The following OSBPL9 variants were observed in gnomAD, a reference collection of about 807,000 sequenced individuals.
OSBPL9 encodes oxysterol-binding protein-related protein 9.
OSBPL9 carries 40 observed loss-of-function variants against 106.6 expected under a neutral mutation model. That is an observed-to-expected ratio of 0.38 (90% CI 0.29 to 0.49). The LOEUF (loss-of-function observed/expected upper bound fraction) is 0.49. Among genes scored for constraint, OSBPL9 ranks in the 20% least tolerant of loss-of-function variants. OSBPL9 has a pLI of 0.97. For missense variants in OSBPL9, 609 were observed against 887.2 expected (o/e 0.69, Z 3.98); for synonymous variants, 269 against 295.4 (o/e 0.91, Z 0.92).
chr1:51,682,170 T>C (rs1230824604), intron 3 of OSBPL9, among the ~76,000 whole-genome samples: 2 of 151,904 alleles, frequency 1.3e-5, no homozygotes, highest in Non-Finnish European at 2.9e-5. Context: ...CGCCACTGCA[T>C]TCCAGCCTGG....
chr1:51,667,115 A>G (rs1648709963), intron 2 of OSBPL9, among the ~76,000 whole-genome samples: 1 of 152,226 alleles, frequency 6.6e-6, no homozygotes, highest in Non-Finnish European at 1.5e-5. Context: ...AGAGTTGACT[A>G]GGTGACTTGT....
At chr1:51,523,790 C>G in the OSBPL9 span, among the ~76,000 whole-genome samples, 8 of 152,178 alleles carry the variant, frequency 5.3e-5, no homozygotes, top group East Asian at 1.5e-3. Flanking sequence ...CCTCCCCAAC[C>G]CATCCTTAAA....
chr1:51,703,052 G>A (rs1049565973), intron 3 of OSBPL9, among the ~76,000 whole-genome samples: 24 of 152,190 alleles, frequency 1.6e-4, no homozygotes, highest in African/African-American at 5.6e-4. Context: ...TAGCCATGTA[G>A]TATAGTTTGA....
chr1:51,669,227 G>T (rs903514907), intron 2 of OSBPL9, among the ~76,000 whole-genome samples: 1 of 152,198 alleles, frequency 6.6e-6, no homozygotes, highest in Non-Finnish European at 1.5e-5. Context: ...GGCATAGAAT[G>T]TACCTGTACA....
chr1:51,574,606 G>A (rs1308816048), upstream of OSBPL9, among the ~76,000 whole-genome samples: 1 of 151,904 alleles, frequency 6.6e-6, no homozygotes, highest in Non-Finnish European at 1.5e-5. Flanking sequence ...GCGACAGAGC[G>A]AGACTCTGTA....
At chr1:51,602,233 C>T (rs1645328149) in intron 2 of OSBPL9, among the ~76,000 whole-genome samples, 1 of 151,194 alleles carries the variant, frequency 6.6e-6, no homozygotes, top group African/African-American at 2.4e-5. Context: ...TGGTCTCGAT[C>T]TCCTGACCTC....
intron 2 of OSBPL9, among the ~76,000 whole-genome samples, chr1:51,605,346 T>G (rs578005525): frequency 6.6e-6 from 1 of 152,192 alleles, no homozygotes; most frequent in South Asian, 2.1e-4. Context: ...ATCCCAGCAC[T>G]TAGGGAGGCA....
chr1:51,596,953 A>G (rs1472338803), intron 1 of OSBPL9, among the ~76,000 whole-genome samples: 1 of 152,126 alleles, frequency 6.6e-6, no homozygotes, highest in Non-Finnish European at 1.5e-5. Context: ...AAACAAGGCA[A>G]TGACTTAGAG....
At chr1:51,548,375 A>C in the OSBPL9 span, among the ~76,000 whole-genome samples, 1 of 151,898 alleles carries the variant, frequency 6.6e-6, no homozygotes, top group Non-Finnish European at 1.5e-5. Context: ...CTGAGATTAC[A>C]TGTGTGAGCC....
At chr1:51,669,684 G>T in intron 3 of OSBPL9, 172 bp downstream of exon 3, 1 of 689,618 alleles carries the variant, frequency 1.5e-6, no homozygotes, top group East Asian at 2.8e-5. Flanking sequence ...ATTTGTATCT[G>T]CAATGGATGT....
At chr1:51,619,416 T>C (rs1644286823) in intron 1 of OSBPL9, among the ~76,000 whole-genome samples, 2 of 152,226 alleles carry the variant, frequency 1.3e-5, no homozygotes, top group Admixed American at 6.5e-5. Context: ...TGGACAAATA[T>C]CTCTTTTCTT....
the OSBPL9 span, among the ~76,000 whole-genome samples, chr1:51,546,142 A>G: frequency 1.3e-5 from 2 of 151,954 alleles, no homozygotes; most frequent in Admixed American, 1.3e-4. Context: ...TCAGCCCCCA[A>G]GTAGCTGGGA....
At chr1:51,536,932 T>C in the OSBPL9 span, among the ~76,000 whole-genome samples, 2 of 152,194 alleles carry the variant, frequency 1.3e-5, no homozygotes, top group Non-Finnish European at 2.9e-5. Context: ...GTAGAGTATT[T>C]TTTCCTGTGT....
Position 51,788,094 on chromosome 1 carries a change from C to CTGCGCTCTAGTACTGCTGTT in OSBPL9, c.*306_*325dup. ...CATTTATAAATCCAAGTCTGAAACT[C>CTGCGCTCTAGTACTGCTGTT]TGCGCTCTAGTACTGCTGTTAAGAT... On this transcript the variant is annotated 3_prime_UTR_variant, in exon 24 of 24. Transcript: ENST00000428468. The CTGCGCTCTAGTACTGCTGTT allele has an allele frequency of 2.6e-6, 1 of 380,566 alleles. No homozygotes were observed. Among genetic ancestry groups the CTGCGCTCTAGTACTGCTGTT allele is most frequent in the Non-Finnish European group, 4.9e-6 (1 of 205,628 alleles). The allele number at this position is 380,566 out of a possible 1,614,324, so 23.6% of individuals were successfully genotyped here.
chr1:51,562,767 G>C, the OSBPL9 span, among the ~76,000 whole-genome samples: 1 of 152,142 alleles, frequency 6.6e-6, no homozygotes, highest in Non-Finnish European at 1.5e-5. Flanking sequence ...TGGCAGTTGA[G>C]GCCGTTCTCT....
At chr1:51,670,146 T>C (rs1649528769) in intron 3 of OSBPL9, among the ~76,000 whole-genome samples, 1 of 152,246 alleles carries the variant, frequency 6.6e-6, no homozygotes, top group African/African-American at 2.4e-5. Flanking sequence ...ATCATTCTCA[T>C]TTCATTTTGC....
At chr1:51,579,880 TAATA>T (rs1213887301) in intron 1 of OSBPL9, among the ~76,000 whole-genome samples, 1 of 150,226 alleles carries the variant, frequency 6.7e-6, no homozygotes, top group Non-Finnish European at 1.5e-5. Context: ...ATAATAATAA[TAATA>T]ATAATTTAAA....
chr1:51,551,557 C>T, the OSBPL9 span, among the ~76,000 whole-genome samples: 15 of 151,962 alleles, frequency 9.9e-5, no homozygotes, highest in Non-Finnish European at 2.1e-4. Context: ...CATCTTCCAA[C>T]AGTCATTTAT....
chr1:51,606,028 G>A (rs1465850107), intron 2 of OSBPL9, among the ~76,000 whole-genome samples: 1 of 151,930 alleles, frequency 6.6e-6, no homozygotes, highest in Non-Finnish European at 1.5e-5. Context: ...GAAAAGGAAG[G>A]AAAGAAAGGA....
Sources: allele counts gnomAD v4.1 joint callset (sites outside exome capture counted in the v4.1 genomes callset), GRCh38; gene constraint gnomAD v4.1.1; transcripts MANE v1.5; gene names NCBI Gene and HGNC (gene_info 2026-07-23, HGNC 2026-07-21).